Variants in ERC2 observed in about 807,000 individuals in gnomAD.
ERC2 encodes the protein ELKS/RAB6-interacting/CAST family member 2, also known as ERC protein 2.
In ERC2, 42 loss-of-function variants were observed where a neutral mutation model predicts 114.8. The ratio of observed to expected loss-of-function variants is 0.37; its 90% CI spans 0.29 to 0.47. ERC2 has a LOEUF of 0.47. ERC2 is among the 20% of genes least tolerant of loss of function. The pLI is 0.99. For synonymous variants in ERC2, 454 were observed against 425.5 expected, an observed-to-expected ratio of 1.07 and a Z score of -0.82; for missense variants, 939 against 1,150.7, an observed-to-expected ratio of 0.82 and a Z score of 2.66.
At chr3:55,870,445 A>T (rs1289036068) in intron 14 of ERC2, among the ~76,000 whole-genome samples, 1 of 152,206 alleles carries the variant, frequency 6.6e-6, no homozygotes, top group Non-Finnish European at 1.5e-5. Flanking sequence ...TAGATTTATT[A>T]AGACTTGCTA....
chr3:55,831,265 T>G (rs1006298532), intron 14 of ERC2, among the ~76,000 whole-genome samples: 1 of 146,740 alleles, frequency 6.8e-6, no homozygotes, highest in Admixed American at 6.8e-5. Flanking sequence ...TGAGTTGTGA[T>G]GGTGCCACTG....
chr3:56,139,524 G>T lies in ERC2; in HGVS notation c.1458C>A (p.Ala486=). The change falls in exon 6 of 18, where the codon GCC becomes GCA. Residue 486 remains alanine, a synonymous_variant. Transcript: ENST00000288221. The stretch of plus-strand genomic sequence containing the variant: ...AGTGCCTTACCTCAGTCTGAAGGAT[G>T]GCAGCCCTCTGTTCTTTGGCAGTAA... ...ESLTAKEQRA[A]ILQTEVDALR... The T allele has an allele frequency of 6.2e-7, 1 of 1,612,980 alleles. No homozygotes were observed. Among genetic ancestry groups the T allele is most frequent in the Non-Finnish European group, 8.5e-7 (1 of 1,179,212 alleles).
chr3:56,364,380 G>T (rs976282746), intron 2 of ERC2, among the ~76,000 whole-genome samples: 1 of 152,052 alleles, frequency 6.6e-6, no homozygotes, highest in Non-Finnish European at 1.5e-5. Context: ...ACTTAAAATG[G>T]TTAAAAATTT....
intron 2 of ERC2, among the ~76,000 whole-genome samples, chr3:56,362,864 T>C (rs2059010529): frequency 6.6e-6 from 1 of 152,238 alleles, no homozygotes; most frequent in East Asian, 1.9e-4. Flanking sequence ...GTGTCTTTCT[T>C]GCATTTCTGA....
intron 10 of ERC2, among the ~76,000 whole-genome samples, chr3:55,993,350 T>C (rs1320632348): frequency 6.6e-6 from 1 of 152,156 alleles, no homozygotes; most frequent in African/African-American, 2.4e-5. Context: ...AGCAGATATT[T>C]ATTGTGTTTT....
At chr3:55,772,345 C>T (rs1248357781) in intron 14 of ERC2, among the ~76,000 whole-genome samples, 7 of 151,656 alleles carry the variant, frequency 4.6e-5, no homozygotes, top group Admixed American at 6.6e-5. Context: ...GACGGAGTCT[C>T]GCTCTGTAGC....
At chr3:56,345,276 GC>G (rs1455483996) in intron 2 of ERC2, among the ~76,000 whole-genome samples, 1 of 152,154 alleles carries the variant, frequency 6.6e-6, no homozygotes, top group East Asian at 1.9e-4. Flanking sequence ...TCGTTCAACA[GC>G]TTTTATTGAC....
chr3:55,777,837 G>T (rs2068741184), intron 14 of ERC2, among the ~76,000 whole-genome samples: 1 of 152,052 alleles, frequency 6.6e-6, no homozygotes. Context: ...AGAATACTGT[G>T]CCCATTTAGT....
chr3:55,994,790 G>C (rs1421860084), intron 10 of ERC2, among the ~76,000 whole-genome samples: 1 of 151,996 alleles, frequency 6.6e-6, no homozygotes, highest in Admixed American at 6.6e-5. Context: ...TTCAACAGTG[G>C]GTGAAATCAG....
intron 17 of ERC2, among the ~76,000 whole-genome samples, chr3:55,676,982 T>C (rs2061843718): frequency 6.6e-6 from 1 of 152,210 alleles, no homozygotes; most frequent in Non-Finnish European, 1.5e-5. Context: ...GTAACCCTTA[T>C]GAGCTCCAGA....
chr3:56,239,261 A>G (rs112773992), intron 3 of ERC2, among the ~76,000 whole-genome samples: 84 of 152,064 alleles, frequency 5.5e-4, no homozygotes, highest in African/African-American at 2.0e-3. Flanking sequence ...TCATGCCTGT[A>G]ATCCTAGCAC....
chr3:55,829,314 G>C (rs952519729), intron 14 of ERC2, among the ~76,000 whole-genome samples: 1 of 151,984 alleles, frequency 6.6e-6, no homozygotes, highest in Non-Finnish European at 1.5e-5. Context: ...CAAATAAATG[G>C]AAAGATCGAT....
intron 17 of ERC2, among the ~76,000 whole-genome samples, chr3:55,560,691 A>C (rs1019699706): frequency 1.1e-4 from 17 of 152,220 alleles, no homozygotes; most frequent in African/African-American, 3.9e-4. Context: ...CTGACCCATA[A>C]AATTCTGATA....
chr3:56,382,134 G>A (rs894745728), intron 2 of ERC2, among the ~76,000 whole-genome samples: 2 of 151,938 alleles, frequency 1.3e-5, no homozygotes, highest in African/African-American at 2.4e-5. Context: ...ATCAACTCAC[G>A]GACTTGCATC....
At chr3:55,589,387 T>C (rs2057761102) in intron 17 of ERC2, among the ~76,000 whole-genome samples, 1 of 152,130 alleles carries the variant, frequency 6.6e-6, no homozygotes, top group South Asian at 2.1e-4. Context: ...AAAGGCACCC[T>C]TCTTCAAGAC....
intron 4 of ERC2, among the ~76,000 whole-genome samples, chr3:56,167,729 A>ACAGT (rs1380103875): frequency 2.0e-5 from 3 of 152,180 alleles, no homozygotes; most frequent in Non-Finnish European, 4.4e-5. Flanking sequence ...ATCAAAACAC[A>ACAGT]CAGTCCTTTA....
chr3:56,427,617 T>A (rs1445321681), intron 2 of ERC2, among the ~76,000 whole-genome samples: 1 of 152,116 alleles, frequency 6.6e-6, no homozygotes, highest in East Asian at 1.9e-4. Flanking sequence ...TAATCCAATA[T>A]GATTGGTGTC....
At chr3:56,397,039 G>T (rs1198955734) in intron 2 of ERC2, among the ~76,000 whole-genome samples, 1 of 152,182 alleles carries the variant, frequency 6.6e-6, no homozygotes, top group Non-Finnish European at 1.5e-5. Context: ...AAAGGACTCT[G>T]CCTAGGTTAT....
chr3:56,122,897 C>T (rs73091259), intron 6 of ERC2, among the ~76,000 whole-genome samples: 9,322 of 152,208 alleles, frequency 0.061, 752 homozygotes, highest in African/African-American at 0.18. Flanking sequence ...TGCTAAGTCC[C>T]TTCTCTTCAC....
Sources: gnomAD v4.1 joint callset for allele counts (sites outside exome capture counted in the v4.1 genomes callset) on GRCh38, gnomAD v4.1.1 for gene constraint, MANE v1.5 for transcripts, NCBI Gene and HGNC (gene_info 2026-07-23, HGNC 2026-07-21) for gene names.